The following MEF2A variants were observed in gnomAD, a reference collection of about 807,000 sequenced individuals.
MEF2A encodes the protein myocyte enhancer factor 2A.
In MEF2A, 28 loss-of-function variants were observed where a neutral mutation model predicts 55.8. That is an observed-to-expected ratio of 0.50 (90% CI 0.37 to 0.69). The LOEUF is 0.69. Ranked by LOEUF, MEF2A falls within the 30% of genes least tolerant of loss-of-function variation. The pLI, the probability that MEF2A is intolerant of heterozygous loss-of-function variation, is 0.00. For missense variants in MEF2A, 528 were observed against 626.2 expected (o/e 0.84, Z 1.67); for synonymous variants, 239 against 227.1 (o/e 1.05, Z -0.47).
At chr15:99,667,949 T>A (rs1240662141) in intron 4 of MEF2A, among the ~76,000 whole-genome samples, 1 of 152,162 alleles carries the variant, frequency 6.6e-6, no homozygotes, top group Non-Finnish European at 1.5e-5. Context: ...TATTTCAGTA[T>A]CCTTACATAA....
chr15:99,573,286 CAAAAA>C (rs66573508), intron 1 of MEF2A, among the ~76,000 whole-genome samples: 2 of 86,632 alleles, frequency 2.3e-5, no homozygotes, highest in African/African-American at 4.8e-5. Context: ...GACTCCGTCT[CAAAAA>C]AAAAAAAAAA....
Position 99,715,673 on chromosome 15 carries a change from G to A in MEF2A, c.*2902G>A, listed in dbSNP as rs574612536. On this transcript the variant is annotated 3_prime_UTR_variant, in exon 12 of 12. Coordinates refer to ENST00000557942, the MANE Select transcript of MEF2A (RefSeq NM_001319206.4). ...TCTTACCCTTTTAGACTCGTGTTTT[G>A]TATGAGACACCATTGCAAGAAAATT... 6.0e-4 allele frequency: 91 copies of A among 152,240 alleles called. No homozygotes were observed. Among genetic ancestry groups the A allele is most frequent in the African/African-American group, 1.8e-3 (76 of 41,532 alleles). The allele number at this position is 152,240 out of a possible 1,614,324, so 9.4% of individuals were successfully genotyped here. A position where few individuals can be genotyped will look rare whatever the true frequency, so the allele number is the denominator to read the frequency against.
chr15:99,655,367 A>G (rs2047534959), intron 4 of MEF2A, among the ~76,000 whole-genome samples: 1 of 152,180 alleles, frequency 6.6e-6, no homozygotes, highest in Admixed American at 6.5e-5. Context: ...CAAAATGTTT[A>G]TGGAATAGCG....
chr15:99,651,745 A>C (rs1407460709), intron 4 of MEF2A, among the ~76,000 whole-genome samples: 2 of 152,190 alleles, frequency 1.3e-5, no homozygotes, highest in Non-Finnish European at 2.9e-5. Context: ...ATTTAATCAT[A>C]CAATTATTGG....
rs1240090187 is a variant in MEF2A, at chr15:99,714,133, T to TG, written c.*1363dup. 6.6e-6 allele frequency: 1 copy of TG among 152,210 alleles called. No individual in the cohort carries two copies. The highest frequency in any genetic ancestry group is 1.5e-5 in the Non-Finnish European group (1 of 68,042). The allele number at this position is 152,210 out of a possible 1,614,324, so 9.4% of individuals were successfully genotyped here. ...ATTGTAATCTTTGTGCTGTATGGGT[T>TG]GAGCATCATTATATATTTTGTATGT... On this transcript the variant is annotated 3_prime_UTR_variant, in exon 12 of 12. Coordinates refer to ENST00000557942, the MANE Select transcript of MEF2A (RefSeq NM_001319206.4).
intron 8 of MEF2A, among the ~76,000 whole-genome samples, chr15:99,697,034 T>C (rs1433832742): frequency 7.2e-6 from 1 of 138,590 alleles, no homozygotes; most frequent in Non-Finnish European, 1.6e-5. Flanking sequence ...ATATTAACAA[T>C]TGAACATCTA....
intron 4 of MEF2A, among the ~76,000 whole-genome samples, chr15:99,653,437 A>G (rs925652458): frequency 1.3e-5 from 2 of 152,230 alleles, no homozygotes; most frequent in African/African-American, 4.8e-5. Context: ...CAATTATGCA[A>G]TCAGTGCTGT....
intron 1 of MEF2A, among the ~76,000 whole-genome samples, chr15:99,577,688 C>T (rs1964730608): frequency 6.6e-6 from 1 of 151,910 alleles, no homozygotes; most frequent in Non-Finnish European, 1.5e-5. Context: ...TTTATCTGTT[C>T]TAAGTTCTAA....
At chr15:99,687,663 C>G (rs931603745) in intron 7 of MEF2A, among the ~76,000 whole-genome samples, 1 of 152,184 alleles carries the variant, frequency 6.6e-6, no homozygotes, top group Admixed American at 6.5e-5. Flanking sequence ...CAAAGGCTTT[C>G]CTAATTAAGC....
At chr15:99,675,539 T>C in intron 7 of MEF2A, 81 bp downstream of exon 7, 1 of 1,263,484 alleles carries the variant, frequency 7.9e-7, no homozygotes, top group Non-Finnish European at 1.1e-6. Context: ...AAATAAAGCT[T>C]TCTGGGAAAT....
rs113090341 is a variant in MEF2A, at chr15:99,679,233, A to G, written c.670+3775A>G. On this transcript the variant is annotated intron_variant, in intron 7 of 11. Transcript: ENST00000557942. The stretch of plus-strand genomic sequence containing the variant: ...TTTCACTCATCCTTATGTACTGTAG[A>G]GAAATGCATTTGTGCATCACGAGTA... 9.9e-3 allele frequency among the ~76,000 whole-genome samples: 1,501 copies of G among 152,366 alleles called. 29 individuals carry two copies. Among genetic ancestry groups the G allele is most frequent in the African/African-American group, 0.032 (1,347 of 41,588 alleles).
intron 1 of MEF2A, among the ~76,000 whole-genome samples, chr15:99,588,652 C>T (rs1275501434): frequency 6.6e-6 from 1 of 151,330 alleles, no homozygotes. Flanking sequence ...CTATGTTGCC[C>T]AGGCTGTTCT....
intron 2 of MEF2A, among the ~76,000 whole-genome samples, chr15:99,606,026 A>T (rs1265065246): frequency 6.6e-6 from 1 of 152,218 alleles, no homozygotes; most frequent in Non-Finnish European, 1.5e-5. Context: ...TTAAAAACTT[A>T]TATAAATCTA....
Position 99,614,381 on chromosome 15 carries a change from G to A in MEF2A, c.-143+15870G>A, listed in dbSNP as rs150272511. Among the ~76,000 whole-genome samples, 1,297 of 152,122 alleles carry A rather than the reference G, an allele frequency of 8.5e-3. 11 individuals carry two copies. The highest frequency in any genetic ancestry group is 0.017 in the Middle Eastern group (5 of 294). On this transcript the variant is annotated intron_variant, in intron 2 of 11. Coordinates refer to ENST00000557942, the MANE Select transcript of MEF2A (RefSeq NM_001319206.4). ...TGGGATCACAGGCGTGAGTCACCGC[G>A]CCAAGCCCAACAATAACTTATAACT...
chr15:99,622,364 T>C (rs563325019), intron 2 of MEF2A, among the ~76,000 whole-genome samples: 1 of 152,364 alleles, frequency 6.6e-6, no homozygotes, highest in South Asian at 2.1e-4. Flanking sequence ...ATCTGTTTTC[T>C]AAAGGTAGAT....
At chr15:99,654,293 A>G (rs2047322390) in intron 4 of MEF2A, among the ~76,000 whole-genome samples, 2 of 152,066 alleles carry the variant, frequency 1.3e-5, no homozygotes, top group Non-Finnish European at 2.9e-5. Context: ...ACTAGCATAT[A>G]TTTGCTATAT....
intron 4 of MEF2A, 96 bp from the exon 5 acceptor site, chr15:99,671,227 T>A: frequency 7.4e-7 from 1 of 1,357,728 alleles, no homozygotes; most frequent in Non-Finnish European, 1.0e-6. Flanking sequence ...CTTGTATAAT[T>A]CAGTTCATTC....
chr15:99,668,564 G>T (rs2050239135), intron 4 of MEF2A, among the ~76,000 whole-genome samples: 1 of 152,196 alleles, frequency 6.6e-6, no homozygotes, highest in Non-Finnish European at 1.5e-5. Flanking sequence ...ACTAGTAATA[G>T]CTATAGAGAG....
chr15:99,712,877 A>G lies in MEF2A; in HGVS notation c.*106A>G. ...GTTAAATATATTTATATGTACATAC[A>G]TATATATATCCCTTTACATATATAT... is the stretch of plus-strand genomic sequence containing the variant. On this transcript the variant is annotated 3_prime_UTR_variant, in exon 12 of 12. Coordinates refer to ENST00000557942, the MANE Select transcript of MEF2A (RefSeq NM_001319206.4). The surrounding 1 kb of genome is among the most constrained non-coding windows in gnomAD (Gnocchi z 4.1). 8.4e-7 allele frequency: 1 copy of G among 1,185,556 alleles called. No homozygotes were observed. Among genetic ancestry groups the G allele is most frequent in the Non-Finnish European group, 1.2e-6 (1 of 849,386 alleles). The allele number at this position is 1,185,556 out of a possible 1,614,324, so 73.4% of individuals were successfully genotyped here.
Sources: gnomAD v4.1 joint callset for allele counts (sites outside exome capture counted in the v4.1 genomes callset) on GRCh38, gnomAD v4.1.1 for gene constraint, Gnocchi (gnomAD v3.1) non-coding constraint, MANE v1.5 for transcripts, NCBI Gene and HGNC (gene_info 2026-07-23, HGNC 2026-07-21) for gene names.